Variants in SORCS3 observed in about 807,000 individuals in gnomAD.
The protein encoded by SORCS3 is VPS10 domain-containing receptor SorCS3.
A neutral mutation model predicts 146.3 loss-of-function variants in SORCS3; 57 were observed. The observed-to-expected ratio is 0.39, with a 90% CI of 0.31 to 0.49. The LOEUF (loss-of-function observed/expected upper bound fraction) is 0.49. Ranked by LOEUF, SORCS3 falls within the 20% of genes least tolerant of loss-of-function variation. The pLI, the probability that SORCS3 is intolerant of heterozygous loss-of-function variation, is 0.92. For missense variants in SORCS3, 1,341 were observed against 1,575.5 expected (o/e 0.85, Z 2.52); for synonymous variants, 653 against 618.5 (o/e 1.06, Z -0.83).
At chr10:105,206,602 A>G (rs2056604166) in intron 16 of SORCS3, among the ~76,000 whole-genome samples, 4 of 152,208 alleles carry the variant, frequency 2.6e-5, no homozygotes, top group African/African-American at 7.2e-5. Context: ...CTAAGAAAAC[A>G]TAAACCTAAA....
chr10:105,042,704 A>T (rs1363369857), intron 4 of SORCS3, among the ~76,000 whole-genome samples: 1 of 152,160 alleles, frequency 6.6e-6, no homozygotes, highest in Non-Finnish European at 1.5e-5. Flanking sequence ...TTTGCATGTA[A>T]TATTGGCTCA....
intron 4 of SORCS3, among the ~76,000 whole-genome samples, chr10:105,018,485 C>A (rs2055180928): frequency 1.3e-5 from 2 of 152,164 alleles, no homozygotes; most frequent in Non-Finnish European, 2.9e-5. Context: ...GGTCCCAGGG[C>A]AATTAGGGGT....
chr10:104,742,457 G>T (rs962718825), intron 1 of SORCS3, among the ~76,000 whole-genome samples: 2 of 152,148 alleles, frequency 1.3e-5, no homozygotes, highest in African/African-American at 4.8e-5. Flanking sequence ...GGCCCTGTTT[G>T]TCCTGACAGT....
In SORCS3 at chr10:105,211,134, C is replaced by T; in HGVS notation, c.2262-3C>T. On this transcript the variant is annotated splice_polypyrimidine_tract_variant and splice_region_variant and intron_variant, in intron 16 of 26. Transcript: ENST00000369701. ...TACTATGCAATATTCATTTTCCTGA[C>T]AGTGACTATGGGTATGAGAGACATG... The T allele has an allele frequency of 6.2e-7, 1 of 1,606,582 alleles. No individual in the cohort carries two copies. Among genetic ancestry groups the T allele is most frequent in the Non-Finnish European group, 8.5e-7 (1 of 1,173,162 alleles).
intron 3 of SORCS3, among the ~76,000 whole-genome samples, chr10:104,966,795 A>G (rs1285997097): frequency 6.6e-6 from 1 of 152,182 alleles, no homozygotes; most frequent in Non-Finnish European, 1.5e-5. Flanking sequence ...TGGTTTAGAC[A>G]TAGATAAGCT....
chr10:105,010,336 G>A (rs983723880), intron 4 of SORCS3, among the ~76,000 whole-genome samples: 3 of 152,176 alleles, frequency 2.0e-5, no homozygotes, highest in African/African-American at 7.2e-5. Flanking sequence ...CTGGTTCTAT[G>A]TTTCTGCTAG....
intron 14 of SORCS3, among the ~76,000 whole-genome samples, chr10:105,192,190 C>T (rs542713878): frequency 6.6e-6 from 1 of 152,152 alleles, no homozygotes; most frequent in South Asian, 2.1e-4. Flanking sequence ...CATTTTGTTT[C>T]TTAAAGAGGA....
intron 1 of SORCS3, among the ~76,000 whole-genome samples, chr10:104,746,889 C>T (rs955896195): frequency 6.6e-6 from 1 of 152,222 alleles, no homozygotes. Context: ...TTGACATTGA[C>T]TATGTCCTGG....
chr10:105,190,098 C>T (rs1037348751), intron 14 of SORCS3, among the ~76,000 whole-genome samples: 1 of 152,198 alleles, frequency 6.6e-6, no homozygotes, highest in East Asian at 1.9e-4. Context: ...TTGCCCATAC[C>T]TCAGTGCCAA....
At chr10:105,236,704 T>A (rs2056794724) in intron 20 of SORCS3, among the ~76,000 whole-genome samples, 1 of 152,182 alleles carries the variant, frequency 6.6e-6, no homozygotes, top group African/African-American at 2.4e-5. Context: ...ATGCAGTGTC[T>A]GATAGGTATA....
chr10:104,981,399 A>C (rs772194189), intron 4 of SORCS3, among the ~76,000 whole-genome samples: 2 of 151,810 alleles, frequency 1.3e-5, no homozygotes, highest in Non-Finnish European at 2.9e-5. Context: ...AAGAAAAGCT[A>C]CTCTCCTCCC....
chr10:104,741,134 ATTTTTTTTT>A (rs34447542), intron 1 of SORCS3, among the ~76,000 whole-genome samples: 3 of 104,894 alleles, frequency 2.9e-5, no homozygotes, highest in East Asian at 3.0e-4. Context: ...GATAATTTAA[ATTTTTTTTT>A]TTTTTTTTTT....
chr10:104,891,708 C>G (rs1806313882), intron 2 of SORCS3, among the ~76,000 whole-genome samples: 1 of 152,056 alleles, frequency 6.6e-6, no homozygotes, highest in African/African-American at 2.4e-5. Flanking sequence ...TCCCTCTTGT[C>G]CAGAATCAGA....
chr10:104,784,939 C>T (rs141742740), intron 1 of SORCS3, among the ~76,000 whole-genome samples: 1,968 of 152,252 alleles, frequency 0.013, 29 homozygotes, highest in African/African-American at 0.037. Context: ...GTCATCCTGG[C>T]CCGTTCTCAA....
intron 1 of SORCS3, among the ~76,000 whole-genome samples, chr10:104,751,969 A>ATATGT (rs3976798): frequency 8.1e-6 from 1 of 123,370 alleles, no homozygotes; most frequent in Non-Finnish European, 1.7e-5. Context: ...ATATATATAT[A>ATATGT]ATAGTTTAGC....
chr10:105,139,550 T>C, intron 8 of SORCS3, 64 bp downstream of exon 8: 1 of 1,261,164 alleles, frequency 7.9e-7, no homozygotes, highest in Non-Finnish European at 1.2e-6. Context: ...GAGAGGCTGC[T>C]TTGTTGGGCT....
intron 2 of SORCS3, among the ~76,000 whole-genome samples, chr10:104,890,424 T>A (rs917733571): frequency 3.9e-5 from 6 of 152,212 alleles, no homozygotes; most frequent in Non-Finnish European, 8.8e-5. Flanking sequence ...CACTTTCTAT[T>A]GCTGTGTTTT....
intron 5 of SORCS3, among the ~76,000 whole-genome samples, chr10:105,080,553 A>G (rs956314761): frequency 3.9e-5 from 6 of 151,986 alleles, no homozygotes; most frequent in African/African-American, 1.5e-4. Context: ...ATTAGATTCC[A>G]TTTGTCATTT....
chr10:105,052,220 G>T (rs2055418126), intron 5 of SORCS3, among the ~76,000 whole-genome samples: 1 of 152,162 alleles, frequency 6.6e-6, no homozygotes, highest in Non-Finnish European at 1.5e-5. Flanking sequence ...GATCTGAAAA[G>T]ATTTGTGTGC....
Sources: allele counts gnomAD v4.1 joint callset (sites outside exome capture counted in the v4.1 genomes callset), GRCh38; gene constraint gnomAD v4.1.1; transcripts MANE v1.5; gene names NCBI Gene and HGNC (gene_info 2026-07-23, HGNC 2026-07-21).